ZSWIM4: variants seen among roughly 807,000 people sequenced by gnomAD.
The protein encoded by ZSWIM4 is zinc finger SWIM-type containing 4.
In ZSWIM4, 62 loss-of-function variants were observed where a neutral mutation model predicts 102.5. That is an observed-to-expected ratio of 0.60 (90% confidence interval 0.49 to 0.75). The LOEUF is 0.75. Among genes scored for constraint, ZSWIM4 ranks in the 30% least tolerant of loss-of-function variants. The pLI is 0.00. For missense variants in ZSWIM4, 1,280 were observed against 1,529.6 expected, an observed-to-expected ratio of 0.84 and a Z score of 2.72; for synonymous variants, 652 against 674.5, an observed-to-expected ratio of 0.97 and a Z score of 0.52.
intron 3 of ZSWIM4, among the ~76,000 whole-genome samples, chr19:13,808,541 G>C (rs1974978315): frequency 6.6e-6 from 1 of 151,796 alleles, no homozygotes; most frequent in African/African-American, 2.4e-5. Flanking sequence ...TTTGAGACCA[G>C]CCTGACCAAC....
intron 3 of ZSWIM4, among the ~76,000 whole-genome samples, chr19:13,806,571 T>C (rs1974924685): frequency 6.6e-6 from 1 of 150,890 alleles, no homozygotes; most frequent in African/African-American, 2.4e-5. Flanking sequence ...GAAGCTGAGA[T>C]GGGAGGATCA....
chr19:13,817,853 G>T lies in ZSWIM4; in HGVS notation c.1801G>T (p.Gly601Trp). The change falls in exon 9 of 14, where the codon GGG (glycine) becomes TGG (tryptophan). Residue 601 changes from glycine to tryptophan, a missense_variant. Transcript: ENST00000590508. The stretch of plus-strand genomic sequence containing the variant: ...GGGGCAGCAGCGGGCCCTGCCGGAG[G>T]GGCTGTACGCCCAGGACAAGGTGGT... ...GLGQQRALPE[G>W]LYAQDKVVRN... The T allele has an allele frequency of 6.4e-7, 1 of 1,559,810 alleles. No individual in the cohort carries two copies. Among genetic ancestry groups the T allele is most frequent in the Non-Finnish European group, 8.7e-7 (1 of 1,151,740 alleles).
chr19:13,819,840 G>T (rs1366999182), intron 10 of ZSWIM4, among the ~76,000 whole-genome samples: 27 of 139,422 alleles, frequency 1.9e-4, no homozygotes, highest in East Asian at 8.4e-4. Flanking sequence ...GCTAATTTTT[G>T]TTTTTTGTTT....
chr19:13,814,893 G>A (rs559448697), intron 7 of ZSWIM4, 28 bp downstream of exon 7: 28 of 1,195,272 alleles, frequency 2.3e-5, no homozygotes, highest in South Asian at 1.7e-4. Flanking sequence ...ACGGGGGCTC[G>A]CACCTGTGAT....
chr19:13,826,490 G>A (rs751469248), intron 12 of ZSWIM4, among the ~76,000 whole-genome samples: 4 of 152,076 alleles, frequency 2.6e-5, no homozygotes, highest in Non-Finnish European at 5.9e-5. Flanking sequence ...GTATGAGCCC[G>A]GGTGTGGTGG....
chr19:13,803,128 C>T (rs868569551), intron 2 of ZSWIM4, among the ~76,000 whole-genome samples: 3 of 152,226 alleles, frequency 2.0e-5, no homozygotes, highest in East Asian at 1.9e-4. Flanking sequence ...TATGATGCCC[C>T]GTCGGCTCTA....
Position 13,805,067 on chromosome 19 carries a change from C to G in ZSWIM4, c.631C>G (p.His211Asp). 1 of 1,608,710 alleles carries G rather than the reference C, an allele frequency of 6.2e-7. No homozygotes were observed. Among genetic ancestry groups the G allele is most frequent in the Non-Finnish European group, 8.5e-7 (1 of 1,179,998 alleles). Residue 211 changes from histidine to aspartate, a missense_variant, in exon 3 of 14, where the codon CAT (histidine) becomes GAT (aspartate). Transcript: ENST00000590508. ...GTTCGTGCAGTACCTCATCAGCGCCCATCACACTGAGGTGCTGCCCACTGC... is the reference window on the plus strand; with the variant it reads ...GTTCGTGCAGTACCTCATCAGCGCCGATCACACTGAGGTGCTGCCCACTGC... ...QKFVQYLISA[H>D]HTEVLPTAQR...
intron 3 of ZSWIM4, among the ~76,000 whole-genome samples, chr19:13,805,379 A>T (rs930962513): frequency 5.9e-5 from 9 of 152,032 alleles, no homozygotes; most frequent in African/African-American, 2.2e-4. Flanking sequence ...GCAGAGGGCG[A>T]GGGCAGGAGG....
chr19:13,809,210 G>A lies in ZSWIM4; in HGVS notation c.1002G>A (p.Trp334Ter), dbSNP rs774359003. The A allele has an allele frequency of 1.2e-6, 2 of 1,604,416 alleles. No individual in the cohort carries two copies. Among genetic ancestry groups the A allele is most frequent in the Non-Finnish European group, 1.7e-6 (2 of 1,175,890 alleles). The change falls in exon 5 of 14, where the codon TGG becomes TGA. Residue 334 changes from tryptophan (W) to a stop codon, truncating the protein, a stop_gained. Coordinates refer to ENST00000590508, the MANE Select transcript of ZSWIM4 (RefSeq NM_001367834.3). LOFTEE classifies it high-confidence loss of function. This position sits in a 1 kb window ranked among gnomAD's most constrained non-coding sequence, Gnocchi z 4.2. ...AGMTDKCRQL[W>*]DELGALWVCV... ...TGACGGACAAGTGCCGGCAGCTCTG[G>A]GATGAGCTGGGTGAGGCCCAAACCC...
At chr19:13,829,908 G>A (rs941633804) in intron 13 of ZSWIM4, among the ~76,000 whole-genome samples, 3 of 152,212 alleles carry the variant, frequency 2.0e-5, no homozygotes, top group Admixed American at 6.5e-5. Flanking sequence ...GGCCGGGAGG[G>A]AATGGCTGGC....
chr19:13,814,790 C>T lies in ZSWIM4; in HGVS notation c.1456C>T (p.Leu486=). Reference sequence around the variant, plus strand: ...CGGATACCCCCGCCAGGCCCTGCGGCTGGCAAGTGCCATCATCAACACACT... The same window carrying T: ...CGGATACCCCCGCCAGGCCCTGCGGTTGGCAAGTGCCATCATCAACACACT... ...AHGYPRQALR[L]ASAIINTLRL... is the part of the protein sequence containing the mutation. Residue 486 remains leucine (L), a synonymous_variant, in exon 7 of 14, where the codon CTG becomes TTG. Transcript: ENST00000590508. 7.8e-7 allele frequency: 1 copy of T among 1,285,076 alleles called. No homozygotes were observed. Among genetic ancestry groups the T allele is most frequent in the Non-Finnish European group, 1.0e-6 (1 of 985,248 alleles). The allele number at this position is 1,285,076 out of a possible 1,614,324, so 79.6% of individuals were successfully genotyped here.
chr19:13,813,836 G>T (rs375344150), intron 6 of ZSWIM4, among the ~76,000 whole-genome samples: 1 of 150,506 alleles, frequency 6.6e-6, no homozygotes, highest in Non-Finnish European at 1.5e-5. Flanking sequence ...TGGGAGAATC[G>T]CTTGAGCCTG....
In ZSWIM4 at chr19:13,830,691, C is replaced by A; in HGVS notation, c.2962C>A (p.Arg988Ser). ...ELSAIVPLII[R>S]SIHCAPMLSD... The stretch of plus-strand genomic sequence containing the variant: ...CTCTGCCATCGTCCCCCTCATCATT[C>A]GCAGCATCCACTGTGCCCCAATGCT... The change falls in exon 14 of 14, where the codon CGC becomes AGC. Residue 988 changes from arginine (R) to serine (S), a missense_variant. Coordinates refer to ENST00000590508, the MANE Select transcript of ZSWIM4 (RefSeq NM_001367834.3). 6.2e-7 allele frequency: 1 copy of A among 1,606,332 alleles called. No homozygotes were observed. The highest frequency in any genetic ancestry group is 1.1e-5 in the South Asian group (1 of 90,930).
intron 3 of ZSWIM4, among the ~76,000 whole-genome samples, 159 bp from the exon 4 acceptor site, chr19:13,808,677 T>G (rs1462367128): frequency 6.7e-6 from 1 of 148,332 alleles, no homozygotes; most frequent in Non-Finnish European, 1.5e-5. Context: ...AGGCAGAGGT[T>G]GTAGTGAGCG....
chr19:13,809,244 G>C lies in ZSWIM4; in HGVS notation c.1012+24G>C, dbSNP rs777333461. The C allele has an allele frequency of 2.3e-5, 37 of 1,575,514 alleles. No homozygotes were observed. The highest frequency in any genetic ancestry group is 2.8e-5 in the Non-Finnish European group (33 of 1,160,446). On this transcript the variant is annotated intron_variant, in intron 5 of 13. Coordinates refer to ENST00000590508, the MANE Select transcript of ZSWIM4 (RefSeq NM_001367834.3). The surrounding 1 kb of genome is among the most constrained non-coding windows in gnomAD (Gnocchi z 4.2). ...GGGTGAGGCCCAAACCCCGGTGCGTGGTGGACACCGGGACTTCGGCTCCCA... is the reference window on the plus strand; with the variant it reads ...GGGTGAGGCCCAAACCCCGGTGCGTCGTGGACACCGGGACTTCGGCTCCCA...
At chr19:13,812,261 G>A (rs188208954) in intron 5 of ZSWIM4, among the ~76,000 whole-genome samples, 96 of 152,060 alleles carry the variant, frequency 6.3e-4, no homozygotes, top group Non-Finnish European at 1.3e-3. Context: ...GAGGAGTCTG[G>A]AGGCCTGGTT....
At chr19:13,823,925 T>C (rs1975535745) in intron 11 of ZSWIM4, among the ~76,000 whole-genome samples, 1 of 152,058 alleles carries the variant, frequency 6.6e-6, no homozygotes, top group Admixed American at 6.6e-5. Context: ...AGGCTAGAAG[T>C]CTAAGATCAC....
At position 13,809,132 on chromosome 19, in the gene ZSWIM4, G is replaced by A; in HGVS notation, c.924G>A (p.Glu308=). ...NGARMLILMT[E]QFLQDTRLAL... ...CGCGCATGCTGATTCTCATGACCGA[G>A]CAGTTCCTGCAGGACACGCGCCTGG... Residue 308 remains glutamate (E), a synonymous_variant, in exon 5 of 14, where the codon GAG becomes GAA. Transcript: ENST00000590508. The surrounding 1 kb of genome is among the most constrained non-coding windows in gnomAD (Gnocchi z 4.2). The A allele has an allele frequency of 6.2e-7, 1 of 1,613,840 alleles. No individual in the cohort carries two copies. Among genetic ancestry groups the A allele is most frequent in the South Asian group, 1.1e-5 (1 of 91,062 alleles).
In ZSWIM4 at chr19:13,830,773, C is replaced by G; in HGVS notation, c.3044C>G (p.Ala1015Gly). Residue 1015 changes from alanine to glycine, a missense_variant, in exon 14 of 14, where the codon GCA (alanine) becomes GGA (glycine). By Grantham distance (60) the Ala-to-Gly change is moderately conservative. Transcript: ENST00000590508. The stretch of plus-strand genomic sequence containing the variant: ...GCGCCCGGTCTGGGCCCCTTAGGGG[C>G]ACGCCGGGCCGCCAAGCCACTGGGT... The part of the protein sequence containing the change: ...LSAPGLGPLG[A>G]RRAAKPLGAD... 1 of 1,605,318 alleles carries G rather than the reference C, an allele frequency of 6.2e-7. No homozygotes were observed. The highest frequency in any genetic ancestry group is 2.2e-5 in the East Asian group (1 of 44,726).
Sources: gnomAD v4.1 joint callset for allele counts (sites outside exome capture counted in the v4.1 genomes callset) on GRCh38, gnomAD v4.1.1 for gene constraint, Gnocchi (gnomAD v3.1) non-coding constraint, MANE v1.5 for transcripts, NCBI Gene and HGNC (gene_info 2026-07-23, HGNC 2026-07-21) for gene names.